KANK1: variants seen among roughly 807,000 people sequenced by gnomAD.
The protein encoded by KANK1 is KN motif and ankyrin repeat domains 1, also known as KN motif and ankyrin repeat domain-containing protein 1.
Under a neutral mutation model 106.2 loss-of-function variants are expected in KANK1, and 109 were observed. The ratio of observed to expected loss-of-function variants is 1.03; its 90% CI spans 0.88 to 1.20. KANK1 has a LOEUF of 1.20. KANK1 is among the 50% of genes most tolerant of loss of function. The pLI is 0.00. For missense variants in KANK1, 2,399 were observed against 1,710.7 expected (o/e 1.40, Z -7.10); for synonymous variants, 873 against 652.2 (o/e 1.34, Z -5.16).
At position 504,751 on chromosome 9, in the gene KANK1, G is replaced by A. The variant is rs1308860510; in HGVS notation, c.-87G>A. 16 of 113,226 alleles carry A rather than the reference G, an allele frequency of 1.4e-4. No individual in the cohort carries two copies. Among genetic ancestry groups the A allele is most frequent in the East Asian group, 5.3e-4 (1 of 1,894 alleles). 7.0% of individuals were successfully genotyped at this position (113,226 alleles called of 1,614,324 possible). ...GGCCGGCAGGTTGGGAGGAGCGGCC[G>A]AAGGTGAGTGACGCGGCGGGGCCGT... is the stretch of plus-strand genomic sequence containing the variant. On this transcript the variant is annotated 5_prime_UTR_variant, in exon 1 of 12. Transcript: ENST00000382297.
intron 1 of KANK1, among the ~76,000 whole-genome samples, chr9:529,528 G>A (rs1587544196): frequency 6.6e-6 from 1 of 151,936 alleles, no homozygotes; most frequent in East Asian, 1.9e-4. Flanking sequence ...GTGTGTATAT[G>A]ATCATATTCT....
intron 3 of KANK1, chr9:495,608 C>T (rs938782022): frequency 3.3e-5 from 5 of 152,154 alleles, no homozygotes; most frequent in African/African-American, 1.2e-4. Flanking sequence ...AACTCTAAAA[C>T]TTCATCAGGT....
chr9:680,791 G>T (rs17431629), intron 2 of KANK1: 18,172 of 152,198 alleles, frequency 0.12, 1,477 homozygotes, highest in Admixed American at 0.16. Flanking sequence ...TGTACCCCTT[G>T]CAGATTGCAC....
rs1032564372 is a variant in KANK1, at chr9:563,189, A to C, written c.-84+58435A>C. Among the ~76,000 whole-genome samples the C allele has an allele frequency of 2.0e-4, 5 of 24,432 alleles. No homozygotes were observed. In the South Asian group the frequency reaches 5.9e-3, roughly 29 times the overall value. The allele number at this position is 24,432 out of a possible 152,430, so 16.0% of individuals were successfully genotyped here. Reference sequence around the variant, plus strand: ...GCAAATGAATGAAATATTTTGTCAGACTTTTTTTTTTTTTTTACTTACTGA... The same window carrying C: ...GCAAATGAATGAAATATTTTGTCAGCCTTTTTTTTTTTTTTTACTTACTGA... On this transcript the variant is annotated intron_variant, in intron 1 of 11. Coordinates refer to ENST00000382297, the MANE Select transcript of KANK1 (RefSeq NM_015158.5).
chr9:612,827 C>G (rs1408857292), intron 1 of KANK1, among the ~76,000 whole-genome samples: 1 of 152,148 alleles, frequency 6.6e-6, no homozygotes, highest in Non-Finnish European at 1.5e-5. Flanking sequence ...AGCAGCAGCT[C>G]TCCTAATGGG....
chr9:703,973 C>CA (rs1365722006), intron 2 of KANK1, among the ~76,000 whole-genome samples: 1 of 152,206 alleles, frequency 6.6e-6, no homozygotes, highest in Middle Eastern at 3.2e-3. Context: ...CTCGGCCTCC[C>CA]AAAGTGCTGG....
In KANK1 at chr9:621,496, C is replaced by A. The variant is rs572301181; in HGVS notation, c.-83-55394C>A. On this transcript the variant is annotated intron_variant, in intron 1 of 11. Coordinates refer to ENST00000382297, the MANE Select transcript of KANK1 (RefSeq NM_015158.5). ...AGTGACCCATTACTGCGGGAAAAAA[C>A]CACACATACAAAAGCCTTTGACCCC... Among the ~76,000 whole-genome samples, 62 of 152,156 alleles carry A rather than the reference C, an allele frequency of 4.1e-4. 1 individual carries two copies. The highest frequency in any genetic ancestry group is 7.1e-4 in the Non-Finnish European group (48 of 68,032).
chr9:672,253 A>C (rs1467965750), intron 1 of KANK1, among the ~76,000 whole-genome samples: 1 of 152,174 alleles, frequency 6.6e-6, no homozygotes, highest in Non-Finnish European at 1.5e-5. Flanking sequence ...CAATGGAGAG[A>C]AGGGGTAGTA....
chr9:584,350 G>T (rs1822918385), intron 1 of KANK1, among the ~76,000 whole-genome samples: 2 of 152,146 alleles, frequency 1.3e-5, no homozygotes, highest in African/African-American at 4.8e-5. Context: ...GTGGAAGGCG[G>T]TTCAACAAAG....
chr9:596,350 G>A (rs772181098), intron 1 of KANK1, among the ~76,000 whole-genome samples: 1 of 151,872 alleles, frequency 6.6e-6, no homozygotes, highest in Admixed American at 6.6e-5. Context: ...TCACCTGTAA[G>A]GGAGGGTGTA....
chr9:507,263 G>C (rs1369859111), intron 1 of KANK1, among the ~76,000 whole-genome samples: 3 of 152,070 alleles, frequency 2.0e-5, no homozygotes, highest in Non-Finnish European at 4.4e-5. Context: ...GCTGAGGCAG[G>C]AGGATTGCTT....
chr9:512,099 C>T (rs1267419707), intron 1 of KANK1, among the ~76,000 whole-genome samples: 2 of 152,152 alleles, frequency 1.3e-5, no homozygotes, highest in African/African-American at 4.8e-5. Context: ...CACATGTTGA[C>T]TTCATTTGTC....
chr9:743,596 G>A (rs1313734536), intron 10 of KANK1, among the ~76,000 whole-genome samples: 1 of 152,182 alleles, frequency 6.6e-6, no homozygotes, highest in Admixed American at 6.6e-5. Flanking sequence ...TGGGCACAGT[G>A]GGTCACTCCT....
chr9:548,380 T>A lies in KANK1; in HGVS notation c.-84+43626T>A, dbSNP rs183196226. ...GTTTGTCAGTGAGATAGTTGGGGGG[T>A]TCCTGAGCTTTTTATTGTTGTACGT... is the stretch of plus-strand genomic sequence containing the variant. On this transcript the variant is annotated intron_variant, in intron 1 of 11. Coordinates refer to ENST00000382297, the MANE Select transcript of KANK1 (RefSeq NM_015158.5). Among the ~76,000 whole-genome samples, 119 of 152,154 alleles carry A rather than the reference T, an allele frequency of 7.8e-4. 1 individual carries two copies. Among genetic ancestry groups the A allele is most frequent in the Non-Finnish European group, 9.7e-4 (66 of 67,988 alleles).
intron 1 of KANK1, among the ~76,000 whole-genome samples, chr9:627,239 C>T (rs1274380856): frequency 6.6e-6 from 1 of 152,132 alleles, no homozygotes; most frequent in African/African-American, 2.4e-5. Flanking sequence ...GAGGGCAGAG[C>T]CTGGAAGAAC....
chr9:671,726 C>A (rs1350664274), intron 1 of KANK1, among the ~76,000 whole-genome samples: 1 of 151,438 alleles, frequency 6.6e-6, no homozygotes, highest in East Asian at 2.0e-4. Context: ...GTTGCAAATA[C>A]AGTTGCTCTA....
chr9:554,925 G>A (rs528383082), intron 1 of KANK1, among the ~76,000 whole-genome samples: 2 of 152,314 alleles, frequency 1.3e-5, no homozygotes, highest in South Asian at 4.1e-4. Context: ...AGTATTCTCA[G>A]GGCAAACAGG....
At chr9:668,131 G>A (rs142890414) in intron 1 of KANK1, among the ~76,000 whole-genome samples, 1 of 152,156 alleles carries the variant, frequency 6.6e-6, no homozygotes, top group East Asian at 1.9e-4. Flanking sequence ...GACTTGTTTT[G>A]TGGCCTAAAA....
intron 1 of KANK1, among the ~76,000 whole-genome samples, chr9:529,254 C>CAT (rs34448823): frequency 3.3e-5 from 5 of 150,532 alleles, no homozygotes; most frequent in South Asian, 4.2e-4. Flanking sequence ...CACACACACA[C>CAT]ATATACACAC....
Sources: allele counts gnomAD v4.1 joint callset (sites outside exome capture counted in the v4.1 genomes callset), GRCh38; gene constraint gnomAD v4.1.1; transcripts MANE v1.5; gene names NCBI Gene and HGNC (gene_info 2026-07-23, HGNC 2026-07-21).